TMEM38B: variants seen among roughly 807,000 people sequenced by gnomAD.
TMEM38B encodes the protein transmembrane protein 38B, also known as trimeric intracellular cation channel type B.
A neutral mutation model predicts 28.7 loss-of-function variants in TMEM38B; 24 were observed. The observed-to-expected ratio is 0.84, with a 90% CI of 0.61 to 1.18. The LOEUF is 1.18. TMEM38B is among the 50% of genes most tolerant of loss of function. The probability of loss-of-function intolerance (pLI) is 0.00; values close to 1 mark genes in which losing one functional copy is unlikely to be tolerated. For missense variants in TMEM38B, 380 were observed against 350.9 expected (o/e 1.08, Z -0.66); for synonymous variants, 131 against 127.7 (o/e 1.03, Z -0.17).
At position 105,774,023 on chromosome 9, in the gene TMEM38B, G is replaced by A; in HGVS notation, c.819G>A (p.Lys273=). 6.2e-7 allele frequency: 1 copy of A among 1,613,694 alleles called. No individual in the cohort carries two copies. The highest frequency in any genetic ancestry group is 8.5e-7 in the Non-Finnish European group (1 of 1,179,772). Residue 273 remains lysine (K), a synonymous_variant, in exon 6 of 6, where the codon AAG becomes AAA. Transcript: ENST00000374692. The part of the protein sequence containing the change: ...PSNGVGSLAS[K]PVDVASDNVK... ...ATGGCGTTGGGTCATTGGCCTCAAA[G>A]CCGGTAGATGTTGCCTCAGATAATG...
intron 5 of TMEM38B, 118 bp downstream of exon 5, chr9:105,748,308 A>T: frequency 1.4e-6 from 1 of 723,586 alleles, no homozygotes. Flanking sequence ...ATCTAAGAGG[A>T]ATAATTTGGG....
chr9:105,763,499 C>T (rs1284352073), intron 5 of TMEM38B, among the ~76,000 whole-genome samples: 1 of 152,116 alleles, frequency 6.6e-6, no homozygotes, highest in Non-Finnish European at 1.5e-5. Flanking sequence ...GGATAAATTC[C>T]TCGACACATA....
chr9:105,695,246 T>G (rs1835249464), intron 1 of TMEM38B, among the ~76,000 whole-genome samples: 1 of 152,116 alleles, frequency 6.6e-6, no homozygotes, highest in African/African-American at 2.4e-5. Context: ...GGTTTCTGAC[T>G]CAGTCTCTTG....
chr9:105,736,395 A>AT (rs1002403883), intron 4 of TMEM38B, among the ~76,000 whole-genome samples: 99 of 146,512 alleles, frequency 6.8e-4, no homozygotes, highest in African/African-American at 1.8e-3. Flanking sequence ...TTGCAGCTCT[A>AT]TTTTTTTTTT....
chr9:105,738,715 C>CTTTTTTTTTT (rs71489351), intron 4 of TMEM38B, among the ~76,000 whole-genome samples: 5 of 109,670 alleles, frequency 4.6e-5, no homozygotes, highest in African/African-American at 2.0e-4. Context: ...TAATTTTTTC[C>CTTTTTTTTTT]TTTTTTTTTT....
At chr9:105,722,751 T>TGG in intron 4 of TMEM38B, 130 bp downstream of exon 4, 1 of 653,484 alleles carries the variant, frequency 1.5e-6, no homozygotes, top group Non-Finnish European at 2.5e-6. Context: ...GTAATGATAA[T>TGG]GGGAAGAGAA....
intron 5 of TMEM38B, among the ~76,000 whole-genome samples, chr9:105,767,159 C>G (rs1274103135): frequency 6.6e-6 from 1 of 150,582 alleles, no homozygotes; most frequent in Non-Finnish European, 1.5e-5. Context: ...TTTTTTTCCT[C>G]CATATGAGTA....
intron 5 of TMEM38B, among the ~76,000 whole-genome samples, chr9:105,761,159 CTTT>C (rs1248379078): frequency 1.3e-5 from 2 of 152,126 alleles, no homozygotes; most frequent in Non-Finnish European, 2.9e-5. Context: ...GGGGTTACTT[CTTT>C]GTTTCTAAGT....
intron 2 of TMEM38B, among the ~76,000 whole-genome samples, chr9:105,708,075 G>T (rs1246021717): frequency 6.6e-6 from 1 of 152,002 alleles, no homozygotes; most frequent in Non-Finnish European, 1.5e-5. Flanking sequence ...CTTCCTAAGT[G>T]GTCTTGCTGC....
intron 5 of TMEM38B, among the ~76,000 whole-genome samples, chr9:105,764,938 A>G (rs1286512659): frequency 6.6e-6 from 1 of 152,224 alleles, no homozygotes; most frequent in Non-Finnish European, 1.5e-5. Flanking sequence ...CATATGTACA[A>G]CTGTCTGATC....
At chr9:105,709,597 T>C (rs1201619978) in intron 2 of TMEM38B, among the ~76,000 whole-genome samples, 2 of 152,218 alleles carry the variant, frequency 1.3e-5, no homozygotes, top group Non-Finnish European at 2.9e-5. Context: ...TTGCCCACAG[T>C]GTCAGCACTC....
chr9:105,713,516 C>G (rs1051981622), intron 2 of TMEM38B, among the ~76,000 whole-genome samples: 3 of 152,190 alleles, frequency 2.0e-5, no homozygotes, highest in Non-Finnish European at 4.4e-5. Context: ...ACCTTGGCCC[C>G]CTCTGGACTT....
intron 4 of TMEM38B, among the ~76,000 whole-genome samples, chr9:105,738,393 A>C (rs191540326): frequency 6.6e-6 from 1 of 151,926 alleles, no homozygotes; most frequent in African/African-American, 2.4e-5. Flanking sequence ...CTACATGGCC[A>C]TACTCTGTTT....
chr9:105,764,636 T>G (rs561024086), intron 5 of TMEM38B, among the ~76,000 whole-genome samples: 1 of 151,614 alleles, frequency 6.6e-6, no homozygotes, highest in Non-Finnish European at 1.5e-5. Flanking sequence ...AGAATCAATA[T>G]CGTGAAAATG....
At chr9:105,735,549 T>G (rs996053427) in intron 4 of TMEM38B, among the ~76,000 whole-genome samples, 1 of 152,218 alleles carries the variant, frequency 6.6e-6, no homozygotes, top group African/African-American at 2.4e-5. Flanking sequence ...AAGAATAGCT[T>G]TGCTGGGTAT....
At chr9:105,743,102 A>G (rs916984540) in intron 4 of TMEM38B, among the ~76,000 whole-genome samples, 11 of 152,212 alleles carry the variant, frequency 7.2e-5, no homozygotes, top group African/African-American at 9.7e-5. Flanking sequence ...GAAGAAAACA[A>G]TAAAATAAAA....
intron 5 of TMEM38B, among the ~76,000 whole-genome samples, chr9:105,767,333 T>C (rs1826410040): frequency 6.6e-6 from 1 of 152,192 alleles, no homozygotes; most frequent in Admixed American, 6.5e-5. Flanking sequence ...TACTAAACTG[T>C]CTTAATTACC....
intron 4 of TMEM38B, among the ~76,000 whole-genome samples, chr9:105,736,019 T>C (rs1836960315): frequency 6.6e-6 from 1 of 151,774 alleles, no homozygotes; most frequent in Non-Finnish European, 1.5e-5. Context: ...TAGAGATTGC[T>C]GCACCATGCC....
At chr9:105,765,399 G>C (rs1300776633) in intron 5 of TMEM38B, among the ~76,000 whole-genome samples, 3 of 152,166 alleles carry the variant, frequency 2.0e-5, no homozygotes, top group African/African-American at 7.2e-5. Context: ...AGTACATTTT[G>C]ATGAGTTTTG....
Sources: gnomAD v4.1 joint callset for allele counts (sites outside exome capture counted in the v4.1 genomes callset) on GRCh38, gnomAD v4.1.1 for gene constraint, MANE v1.5 for transcripts, NCBI Gene and HGNC (gene_info 2026-07-23, HGNC 2026-07-21) for gene names.